CD79A: variants seen among roughly 807,000 people sequenced by gnomAD.
CD79A encodes the protein B-cell antigen receptor complex-associated protein alpha chain.
In CD79A, 16 loss-of-function variants were observed where a neutral mutation model predicts 27.4. That is an observed-to-expected ratio of 0.58 (90% confidence interval 0.40 to 0.89). CD79A has a LOEUF of 0.89. Among genes scored for constraint, CD79A ranks in the 40% least tolerant of loss-of-function variants. CD79A has a pLI of 0.00. For synonymous variants in CD79A, 110 were observed against 132.7 expected (o/e 0.83, Z 1.18); for missense variants, 237 against 299.7 (o/e 0.79, Z 1.55).
Position 41,878,314 on chromosome 19 carries a change from A to G in CD79A, c.80-676A>G, listed in dbSNP as rs2074200704. ...AGGGCAGGCCACAGACTGGCTCCTC[A>G]GCCCAGGCAGGGAGAGGCCAGGGAG... On this transcript the variant is annotated intron_variant, in intron 1 of 4. Transcript: ENST00000221972. The surrounding 1 kb of genome is among the most constrained non-coding windows in gnomAD (Gnocchi z 4.3). Among the ~76,000 whole-genome samples, 1 of 152,196 alleles carries G rather than the reference A, an allele frequency of 6.6e-6. No individual in the cohort carries two copies. The highest frequency in any genetic ancestry group is 2.4e-5 in the African/African-American group (1 of 41,454).
In CD79A at chr19:41,881,209, A is replaced by C. The variant is rs1264156188; in HGVS notation, c.*229A>C. 7.2e-5 allele frequency: 42 copies of C among 581,970 alleles called. No individual in the cohort carries two copies. The highest frequency in any genetic ancestry group is 1.2e-4 in the East Asian group (4 of 34,222). 36.1% of individuals were successfully genotyped at this position (581,970 alleles called of 1,614,324 possible). A position where few individuals can be genotyped will look rare whatever the true frequency, so the allele number is the denominator to read the frequency against. On this transcript the variant is annotated 3_prime_UTR_variant, in exon 5 of 5. Coordinates refer to ENST00000221972, the MANE Select transcript of CD79A (RefSeq NM_001783.4). The stretch of plus-strand genomic sequence containing the variant: ...CTAAACTGCCCCACCTCCTAACCTA[A>C]TCCCCCCGCCCCGCTGCCTTTCCCA...
rs782133300 is a variant in CD79A at position 41,879,083 on chromosome 19, G to A, written c.173G>A (p.Ser58Asn). 6.2e-7 allele frequency: 1 copy of A among 1,613,860 alleles called. No individual in the cohort carries two copies. Among genetic ancestry groups the A allele is most frequent in the Non-Finnish European group, 8.5e-7 (1 of 1,179,996 alleles). Residue 58 changes from serine (S) to asparagine (N), a missense_variant, in exon 2 of 5, where the codon AGC becomes AAC. Transcript: ENST00000221972. This position sits in a 1 kb window ranked among gnomAD's most constrained non-coding sequence, Gnocchi z 5.1. Reference protein sequence around the residue: ...EDAHFQCPHNSSNNANVTWWR... With the variant: ...EDAHFQCPHNNSNNANVTWWR... ...GCCCACTTCCAATGCCCGCACAATA[G>A]CAGCAACAACGCCAACGTCACCTGG...
chr19:41,878,107 C>T lies in CD79A; in HGVS notation c.79+724C>T, dbSNP rs1267580153. Among the ~76,000 whole-genome samples the T allele has an allele frequency of 7.2e-5, 11 of 151,944 alleles. No homozygotes were observed. The highest frequency in any genetic ancestry group is 2.7e-4 in the African/African-American group (11 of 41,446). On this transcript the variant is annotated intron_variant, in intron 1 of 4. Coordinates refer to ENST00000221972, the MANE Select transcript of CD79A (RefSeq NM_001783.4). This position sits in a 1 kb window ranked among gnomAD's most constrained non-coding sequence, Gnocchi z 4.3. The stretch of plus-strand genomic sequence containing the variant: ...AGAGCTGGGGCTTCCCAGAGGAGCC[C>T]GGATTGGACACTGCAGCCAGCCTGA...
In CD79A at chr19:41,879,251, C is replaced by G; in HGVS notation, c.341C>G (p.Ser114Ter). 1.9e-6 allele frequency: 3 copies of G among 1,613,546 alleles called. No homozygotes were observed. Among genetic ancestry groups the G allele is most frequent in the Non-Finnish European group, 2.5e-6 (3 of 1,180,010 alleles). Residue 114 changes from serine to a stop codon, truncating the protein, a stop_gained, in exon 2 of 5, where the codon TCA becomes TGA. Coordinates refer to ENST00000221972, the MANE Select transcript of CD79A (RefSeq NM_001783.4). LOFTEE classifies it high-confidence loss of function. This position sits in a 1 kb window ranked among gnomAD's most constrained non-coding sequence, Gnocchi z 5.1. ...YVCRVQEGNE[S>*]YQQSCGTYLR... ...TGCCGGGTCCAGGAGGGCAACGAGT[C>G]ATACCAGCAGTCCTGCGGCACCTAC...
Position 41,881,000 on chromosome 19 carries a change from C to T in CD79A, c.*20C>T. 1.4e-6 allele frequency: 2 copies of T among 1,385,090 alleles called. No individual in the cohort carries two copies. The highest frequency in any genetic ancestry group is 2.0e-6 in the Non-Finnish European group (2 of 1,000,902). The allele number at this position is 1,385,090 out of a possible 1,614,324, so 85.8% of individuals were successfully genotyped here. A position where few individuals can be genotyped will look rare whatever the true frequency, so the allele number is the denominator to read the frequency against. ...CCGTGACACCCCTACTCCTGCCAGG[C>T]TGCCCCCGCCTGCTGTGCACCCAGC... On this transcript the variant is annotated 3_prime_UTR_variant, in exon 5 of 5. Coordinates refer to ENST00000221972, the MANE Select transcript of CD79A (RefSeq NM_001783.4).
chr19:41,879,709 C>A lies in CD79A; in HGVS notation c.498+56C>A, dbSNP rs2074210682. 2.5e-6 allele frequency: 3 copies of A among 1,207,744 alleles called. No homozygotes were observed. Among genetic ancestry groups the A allele is most frequent in the Non-Finnish European group, 3.7e-6 (3 of 819,836 alleles). 74.8% of individuals were successfully genotyped at this position (1,207,744 alleles called of 1,614,324 possible). ...GGCGAGGGCCTGGGCCGAGGGACCCCCAATACCCAGGTAGCCCTCTAGAGC... is the reference window on the plus strand; with the variant it reads ...GGCGAGGGCCTGGGCCGAGGGACCCACAATACCCAGGTAGCCCTCTAGAGC... On this transcript the variant is annotated intron_variant, in intron 3 of 4. Coordinates refer to ENST00000221972, the MANE Select transcript of CD79A (RefSeq NM_001783.4). The surrounding 1 kb of genome is among the most constrained non-coding windows in gnomAD (Gnocchi z 5.1).
chr19:41,880,575 C>T (rs1306393651), intron 3 of CD79A, 95 bp from the exon 4 acceptor site: 3 of 894,120 alleles, frequency 3.4e-6, no homozygotes, highest in African/African-American at 1.7e-5. Context: ...CATCTCTTAC[C>T]CTTTCTGGAA....
chr19:41,880,868 G>A lies in CD79A; in HGVS notation c.569G>A (p.Gly190Asp). 1 of 1,598,264 alleles carries A rather than the reference G, an allele frequency of 6.3e-7. No homozygotes were observed. Among genetic ancestry groups the A allele is most frequent in the Non-Finnish European group, 8.5e-7 (1 of 1,172,252 alleles). Residue 190 changes from glycine to aspartate, a missense_variant and splice_region_variant, in exon 5 of 5, where the codon GGC (glycine) becomes GAC (aspartate). Physicochemically the swap from Gly to Asp is moderately conservative, Grantham distance 94. Coordinates refer to ENST00000221972, the MANE Select transcript of CD79A (RefSeq NM_001783.4). ...DEYEDENLYE[G>D]LNLDDCSMYE... is the part of the protein sequence containing the mutation. ...TTCGCTGCCTCATTTCCATCCCAGG[G>A]CCTGAACCTGGACGACTGCTCCATG...
rs145895409 is a variant in CD79A, at chr19:41,879,251, C to T, written c.341C>T (p.Ser114Leu). The T allele has an allele frequency of 3.8e-5, 61 of 1,613,428 alleles. No homozygotes were observed. The African/African-American group carries it at 7.6e-4, about 20-fold the overall frequency. Reference sequence around the variant, plus strand: ...TGCCGGGTCCAGGAGGGCAACGAGTCATACCAGCAGTCCTGCGGCACCTAC... The same window carrying T: ...TGCCGGGTCCAGGAGGGCAACGAGTTATACCAGCAGTCCTGCGGCACCTAC... ...YVCRVQEGNESYQQSCGTYLR... is the reference protein window; with the variant it reads ...YVCRVQEGNELYQQSCGTYLR... Residue 114 changes from serine to leucine, a missense_variant, in exon 2 of 5, where the codon TCA (serine) becomes TTA (leucine). Physicochemically the swap from Ser to Leu is moderately radical, Grantham distance 145 (BLOSUM62 -2). Transcript: ENST00000221972. The surrounding 1 kb of genome is among the most constrained non-coding windows in gnomAD (Gnocchi z 5.1).
rs1341437271 is a variant in CD79A at position 41,877,984 on chromosome 19, T to C, written c.79+601T>C. 6.6e-6 allele frequency among the ~76,000 whole-genome samples: 1 copy of C among 152,124 alleles called. No individual in the cohort carries two copies. The highest frequency in any genetic ancestry group is 1.5e-5 in the Non-Finnish European group (1 of 68,020). ...CTTAAGCCCGTGACGATGAGGGTGC[T>C]CGGCCCCTCTCCCCATCTCTTCCTC... On this transcript the variant is annotated intron_variant, in intron 1 of 4. Transcript: ENST00000221972. The surrounding 1 kb of genome is among the most constrained non-coding windows in gnomAD (Gnocchi z 4.1).
intron 3 of CD79A, 25 bp from the exon 4 acceptor site, chr19:41,880,645 G>GCCCCC: frequency 1.8e-6 from 2 of 1,134,290 alleles, no homozygotes; most frequent in Non-Finnish European, 2.6e-6. Flanking sequence ...GCTCACTGAG[G>GCCCCC]CACCCACCCC....
intron 4 of CD79A, 27 bp downstream of exon 4, chr19:41,880,765 G>A (rs2074219430): frequency 1.3e-6 from 2 of 1,532,208 alleles, no homozygotes; most frequent in African/African-American, 1.4e-5. Flanking sequence ...GATGGGGTAG[G>A]GGCAGTTGTG....
chr19:41,880,423 G>T (rs1276452632), intron 3 of CD79A, among the ~76,000 whole-genome samples: 1 of 133,642 alleles, frequency 7.5e-6, no homozygotes, highest in African/African-American at 2.7e-5. Context: ...GAGAGAGAGG[G>T]CGAGAGGGAG....
At position 41,879,134 on chromosome 19, in the gene CD79A, C is replaced by T. The variant is rs199967393; in HGVS notation, c.224C>T (p.Thr75Met). ...TWWRVLHGNY[T>M]WPPEFLGPGE... The stretch of plus-strand genomic sequence containing the variant: ...TGGCGCGTCCTCCATGGCAACTACA[C>T]GTGGCCCCCTGAGTTCTTGGGCCCG... The change falls in exon 2 of 5, where the codon ACG becomes ATG. Residue 75 changes from threonine to methionine, a missense_variant. Physicochemically the swap from Thr to Met is moderately conservative, Grantham distance 81. Transcript: ENST00000221972. This position sits in a 1 kb window ranked among gnomAD's most constrained non-coding sequence, Gnocchi z 5.1. 2.2e-4 allele frequency: 352 copies of T among 1,614,126 alleles called. No individual in the cohort carries two copies. Among genetic ancestry groups the T allele is most frequent in the South Asian group, 9.4e-4 (86 of 91,088 alleles).
At position 41,879,491 on chromosome 19, in the gene CD79A, G is replaced by C; in HGVS notation, c.380-44G>C. ...GTGGGCGGGGCCAGGAGGCTAGGGAGGGCAAGAGGGGCCAGGGCTCTGAGC... is the reference window on the plus strand; with the variant it reads ...GTGGGCGGGGCCAGGAGGCTAGGGACGGCAAGAGGGGCCAGGGCTCTGAGC... On this transcript the variant is annotated intron_variant, in intron 2 of 4. Transcript: ENST00000221972. This position sits in a 1 kb window ranked among gnomAD's most constrained non-coding sequence, Gnocchi z 5.1. 6.9e-7 allele frequency: 1 copy of C among 1,439,302 alleles called. No individual in the cohort carries two copies. The highest frequency in any genetic ancestry group is 9.6e-7 in the Non-Finnish European group (1 of 1,037,268). 89.2% of individuals were successfully genotyped at this position (1,439,302 alleles called of 1,614,324 possible). A position where few individuals can be genotyped will look rare whatever the true frequency, so the allele number is the denominator to read the frequency against.
At position 41,880,455 on chromosome 19, in the gene CD79A, A is replaced by AGGGAAGGAG. The variant is rs1409047534; in HGVS notation, c.499-213_499-212insGAAGGAGGG. ...GGAGGGAGGGAAGGAAGGGAAGGGAAGGAAGGAAGGAAGGAAGGAAGGAAG... is the reference window on the plus strand; with the variant it reads ...GGAGGGAGGGAAGGAAGGGAAGGGAAGGGAAGGAGGGAAGGAAGGAAGGAAGGAAGGAAG... On this transcript the variant is annotated intron_variant, in intron 3 of 4. Coordinates refer to ENST00000221972, the MANE Select transcript of CD79A (RefSeq NM_001783.4). Among the ~76,000 whole-genome samples, 9 of 50,128 alleles carry AGGGAAGGAG rather than the reference A, an allele frequency of 1.8e-4. 1 individual carries two copies. Among genetic ancestry groups the AGGGAAGGAG allele is most frequent in the Admixed American group, 1.8e-3 (9 of 5,140 alleles). The allele number at this position is 50,128 out of a possible 152,430, so 32.9% of individuals were successfully genotyped here. A position where few individuals can be genotyped will look rare whatever the true frequency, so the allele number is the denominator to read the frequency against.
rs782467863 is a variant in CD79A at position 41,880,451 on chromosome 19, G to GGGAA, written c.499-167_499-164dup. Among the ~76,000 whole-genome samples the GGGAA allele has an allele frequency of 0.083, 8,458 of 102,174 alleles. 550 individuals are homozygous for GGGAA. Among genetic ancestry groups the GGGAA allele is most frequent in the East Asian group, 0.12 (393 of 3,356 alleles). The allele number at this position is 102,174 out of a possible 152,430, so 67.0% of individuals were successfully genotyped here. On this transcript the variant is annotated intron_variant, in intron 3 of 4. Coordinates refer to ENST00000221972, the MANE Select transcript of CD79A (RefSeq NM_001783.4). ...AGAGGGAGGGAGGGAAGGAAGGGAA[G>GGGAA]GGAAGGAAGGAAGGAAGGAAGGAAG...
rs782185739 is a variant in CD79A, at chr19:41,879,481, A to G, written c.380-54A>G. ...CTTGCAGGAGGTGGGCGGGGCCAGG[A>G]GGCTAGGGAGGGCAAGAGGGGCCAG... On this transcript the variant is annotated intron_variant, in intron 2 of 4. Coordinates refer to ENST00000221972, the MANE Select transcript of CD79A (RefSeq NM_001783.4). This position sits in a 1 kb window ranked among gnomAD's most constrained non-coding sequence, Gnocchi z 5.1. The G allele has an allele frequency of 1.5e-6, 2 of 1,376,148 alleles. No homozygotes were observed. The highest frequency in any genetic ancestry group is 2.8e-5 in the African/African-American group (2 of 70,530). The allele number at this position is 1,376,148 out of a possible 1,614,324, so 85.2% of individuals were successfully genotyped here.
chr19:41,878,972 C>A lies in CD79A; in HGVS notation c.80-18C>A. On this transcript the variant is annotated intron_variant, in intron 1 of 4. Coordinates refer to ENST00000221972, the MANE Select transcript of CD79A (RefSeq NM_001783.4). The surrounding 1 kb of genome is among the most constrained non-coding windows in gnomAD (Gnocchi z 4.3). ...CACCATCCCCAGTCCCTGACCCACC[C>A]ACCCTGTCTCTCCACAGGCCCTGGG... is the stretch of plus-strand genomic sequence containing the variant. The A allele has an allele frequency of 6.4e-6, 10 of 1,550,652 alleles. No homozygotes were observed. The highest frequency in any genetic ancestry group is 4.5e-5 in the South Asian group (4 of 89,746).
Sources: allele counts gnomAD v4.1 joint callset (sites outside exome capture counted in the v4.1 genomes callset), GRCh38; gene constraint gnomAD v4.1.1; non-coding constraint Gnocchi (gnomAD v3.1); transcripts MANE v1.5; gene names NCBI Gene and HGNC (gene_info 2026-07-23, HGNC 2026-07-21).